Variants in ABCC4 observed in about 807,000 individuals in gnomAD.
The protein encoded by ABCC4 is ATP-binding cassette sub-family C member 4.
ABCC4 carries 102 observed loss-of-function variants against 168.5 expected under a neutral mutation model. That is an observed-to-expected ratio of 0.61 (90% CI 0.52 to 0.71). The LOEUF is 0.71. Among genes scored for constraint, ABCC4 ranks in the 30% least tolerant of loss-of-function variants. The pLI is 0.00. For synonymous variants in ABCC4, 617 were observed against 590.7 expected, an observed-to-expected ratio of 1.04 and a Z score of -0.65; for missense variants, 1,402 against 1,605.8, an observed-to-expected ratio of 0.87 and a Z score of 2.17.
chr13:95,142,295 T>C (rs1288499884), intron 19 of ABCC4, among the ~76,000 whole-genome samples: 2 of 152,208 alleles, frequency 1.3e-5, no homozygotes, highest in Non-Finnish European at 2.9e-5. Flanking sequence ...TGGATGAGAC[T>C]GGAGACTATT....
intron 1 of ABCC4, among the ~76,000 whole-genome samples, chr13:95,274,787 A>C (rs1472169837): frequency 6.6e-6 from 1 of 152,186 alleles, no homozygotes; most frequent in Non-Finnish European, 1.5e-5. Flanking sequence ...AAAAAACAAC[A>C]TAGAATAAGC....
At chr13:95,066,190 G>A (rs1354661209) in intron 25 of ABCC4, among the ~76,000 whole-genome samples, 2 of 152,196 alleles carry the variant, frequency 1.3e-5, no homozygotes, top group Non-Finnish European at 2.9e-5. Flanking sequence ...ATGCCATCGT[G>A]CCTTTCACAT....
intron 27 of ABCC4, among the ~76,000 whole-genome samples, chr13:95,047,473 A>ATTTTTTT (rs2032629591): frequency 2.4e-4 from 13 of 55,092 alleles, no homozygotes; most frequent in Non-Finnish European, 3.3e-4. Context: ...AATACTGCCT[A>ATTTTTTT]TTCTTTTTTT....
At chr13:95,075,317 A>G (rs2139315568) in intron 22 of ABCC4, 115 bp downstream of exon 22, 1 of 1,390,002 alleles carries the variant, frequency 7.2e-7, no homozygotes, top group Non-Finnish European at 9.9e-7. Context: ...CAAAAAAAGC[A>G]GGATGTGGGG....
intron 1 of ABCC4, among the ~76,000 whole-genome samples, chr13:95,254,326 A>G (rs564756676): frequency 6.6e-5 from 10 of 152,326 alleles, no homozygotes; most frequent in Non-Finnish European, 1.2e-4. Flanking sequence ...CTTTATATAT[A>G]TAAAATAGTT....
At chr13:95,237,623 T>C (rs2138769310) in intron 3 of ABCC4, among the ~76,000 whole-genome samples, 1 of 152,264 alleles carries the variant, frequency 6.6e-6, no homozygotes, top group South Asian at 2.1e-4. Flanking sequence ...TACTTCTCAA[T>C]GGAGTATTTG....
chr13:95,235,202 T>C (rs543573530), intron 3 of ABCC4, among the ~76,000 whole-genome samples: 5 of 152,272 alleles, frequency 3.3e-5, no homozygotes, highest in African/African-American at 1.2e-4. Context: ...CGTTTTTTCT[T>C]AACACAAGTT....
chr13:95,176,111 CAGT>C, intron 13 of ABCC4, among the ~76,000 whole-genome samples: 1 of 151,584 alleles, frequency 6.6e-6, no homozygotes, highest in Non-Finnish European at 1.5e-5. Flanking sequence ...GCCCGGCCCT[CAGT>C]GACCTTTCCA....
intron 11 of ABCC4, among the ~76,000 whole-genome samples, chr13:95,179,345 A>T (rs2037815410): frequency 6.6e-6 from 1 of 152,230 alleles, no homozygotes; most frequent in African/African-American, 2.4e-5. Flanking sequence ...GAAAAGCCAA[A>T]GGGAAAGGAG....
intron 9 of ABCC4, among the ~76,000 whole-genome samples, chr13:95,191,938 G>C (rs1264668795): frequency 1.3e-5 from 2 of 152,224 alleles, no homozygotes; most frequent in Admixed American, 6.5e-5. Flanking sequence ...AGCCAGAAGG[G>C]GGCAGCACTC....
At chr13:95,178,647 C>G (rs906578952) in intron 11 of ABCC4, among the ~76,000 whole-genome samples, 1 of 152,142 alleles carries the variant, frequency 6.6e-6, no homozygotes, top group Non-Finnish European at 1.5e-5. Flanking sequence ...TGGGGTGATA[C>G]GTGCCCAAGG....
At chr13:95,066,928 GT>G in intron 25 of ABCC4, among the ~76,000 whole-genome samples, 1 of 152,362 alleles carries the variant, frequency 6.6e-6, no homozygotes, top group East Asian at 1.9e-4. Flanking sequence ...GTATAAGAAG[GT>G]GGCTAGGACA....
intron 1 of ABCC4, among the ~76,000 whole-genome samples, chr13:95,299,267 CA>C (rs59178850): frequency 4.9e-4 from 63 of 129,808 alleles, no homozygotes; most frequent in African/African-American, 5.0e-4. Context: ...GATCCTGTCT[CA>C]AAAAAAAAAA....
intron 1 of ABCC4, among the ~76,000 whole-genome samples, chr13:95,265,569 G>T (rs898060357): frequency 3.9e-5 from 6 of 152,128 alleles, no homozygotes; most frequent in Admixed American, 1.3e-4. Flanking sequence ...CCAGGAATTT[G>T]GGCAAGTAGG....
chr13:95,234,584 C>CA (rs2039709940), intron 4 of ABCC4, 26 bp downstream of exon 4: 1 of 1,580,320 alleles, frequency 6.3e-7, no homozygotes, highest in African/African-American at 1.3e-5. Context: ...AGGTGAGGTA[C>CA]ATGTTTAATG....
intron 1 of ABCC4, among the ~76,000 whole-genome samples, chr13:95,252,950 T>TTC (rs1217942020): frequency 6.6e-6 from 1 of 152,226 alleles, no homozygotes; most frequent in African/African-American, 2.4e-5. Context: ...GTGCCAGGAA[T>TTC]TCAACACTTA....
chr13:95,064,207 T>G (rs1178814176), intron 25 of ABCC4, among the ~76,000 whole-genome samples: 1 of 149,540 alleles, frequency 6.7e-6, no homozygotes, highest in East Asian at 2.0e-4. Flanking sequence ...TAGTTTATAC[T>G]TTATAGGTGG....
At chr13:95,300,690 G>A (rs2041652491) in intron 1 of ABCC4, among the ~76,000 whole-genome samples, 1 of 152,106 alleles carries the variant, frequency 6.6e-6, no homozygotes, top group Non-Finnish European at 1.5e-5. Flanking sequence ...TATCGGAAGG[G>A]GTGGGGACAC....
In ABCC4 at chr13:95,074,325, C is replaced by A; in HGVS notation, c.2807-1G>T. 6.2e-7 allele frequency: 1 copy of A among 1,608,464 alleles called. No individual in the cohort carries two copies. The highest frequency in any genetic ancestry group is 8.5e-7 in the Non-Finnish European group (1 of 1,176,396). On this transcript the variant is annotated splice_acceptor_variant, in intron 22 of 30. Coordinates refer to ENST00000645237, the MANE Select transcript of ABCC4 (RefSeq NM_005845.5). LOFTEE classifies it high-confidence loss of function. The stretch of plus-strand genomic sequence containing the variant: ...GTTGTCAAAAACAAGAACCAAGCCT[C>A]TGAATTTGAGAACGGTAATAAGCAT...
Sources: allele counts gnomAD v4.1 joint callset (sites outside exome capture counted in the v4.1 genomes callset), GRCh38; gene constraint gnomAD v4.1.1; transcripts MANE v1.5; gene names NCBI Gene and HGNC (gene_info 2026-07-23, HGNC 2026-07-21).